The following KLF12 variants were observed in gnomAD, a reference collection of about 807,000 sequenced individuals.
KLF12 encodes KLF transcription factor 12, also known as Krueppel-like factor 12.
A neutral mutation model predicts 37.8 loss-of-function variants in KLF12; 9 were observed. The observed-to-expected ratio is 0.24, with a 90% CI of 0.14 to 0.42. The LOEUF (loss-of-function observed/expected upper bound fraction) is 0.42, where lower values mean the gene tolerates loss of function less well. Among genes scored for constraint, KLF12 ranks in the 10% least tolerant of loss-of-function variants. The pLI is 1.00. For synonymous variants in KLF12, 208 were observed against 202.1 expected (o/e 1.03, Z -0.25); for missense variants, 411 against 516.0 (o/e 0.80, Z 1.97).
rs114064503 is a variant in KLF12, at chr13:73,903,814, C to T, written c.123+40167G>A. ...CCACCACCTGCCAGCTCAGCTGTGG[C>T]ACTGGATTCTCATAGGAGCGGGAGC... On this transcript the variant is annotated intron_variant, in intron 3 of 7. Transcript: ENST00000377669. Among the ~76,000 whole-genome samples the T allele has an allele frequency of 5.8e-3, 888 of 152,328 alleles. 11 individuals carry two copies. Among genetic ancestry groups the T allele is most frequent in the African/African-American group, 0.02 (840 of 41,568 alleles).
At chr13:73,932,850 A>C (rs187668240) in intron 3 of KLF12, among the ~76,000 whole-genome samples, 1 of 152,274 alleles carries the variant, frequency 6.6e-6, no homozygotes, top group African/African-American at 2.4e-5. Context: ...ACTGAACAAA[A>C]ACTTTTCACA....
the KLF12 span, among the ~76,000 whole-genome samples, chr13:74,142,547 C>G: frequency 6.6e-6 from 1 of 152,176 alleles, no homozygotes; most frequent in East Asian, 1.9e-4. Context: ...TCCATACCCT[C>G]CCTTACAAGA....
At chr13:74,038,447 G>A (rs1443215915) in intron 1 of KLF12, among the ~76,000 whole-genome samples, 1 of 152,128 alleles carries the variant, frequency 6.6e-6, no homozygotes, top group African/African-American at 2.4e-5. Context: ...AGAACTCACA[G>A]CCTGGTCATC....
chr13:73,867,908 C>G (rs1886259247), intron 3 of KLF12, among the ~76,000 whole-genome samples: 2 of 151,518 alleles, frequency 1.3e-5, no homozygotes, highest in African/African-American at 4.9e-5. Context: ...GTAATCCCAG[C>G]TACTTGAGAG....
At chr13:74,094,148 C>A (rs1875840842) in intron 1 of KLF12, among the ~76,000 whole-genome samples, 1 of 152,086 alleles carries the variant, frequency 6.6e-6, no homozygotes, top group Non-Finnish European at 1.5e-5. Context: ...TCATAAATAT[C>A]TGTCATATAC....
chr13:74,117,456 C>A (rs1175377564), intron 1 of KLF12, among the ~76,000 whole-genome samples: 1 of 151,922 alleles, frequency 6.6e-6, no homozygotes, highest in Non-Finnish European at 1.5e-5. Flanking sequence ...TACGCATGTA[C>A]CCATGCCAAT....
At chr13:73,896,789 C>T (rs1887788505) in intron 3 of KLF12, among the ~76,000 whole-genome samples, 1 of 152,138 alleles carries the variant, frequency 6.6e-6, no homozygotes. Flanking sequence ...GATAGACTCA[C>T]TTTTTTCTTT....
At chr13:73,716,091 T>G (rs1474392076) in intron 6 of KLF12, among the ~76,000 whole-genome samples, 3 of 152,214 alleles carry the variant, frequency 2.0e-5, no homozygotes, top group Non-Finnish European at 4.4e-5. Context: ...CACCTGACAT[T>G]TAACTTTTCT....
chr13:73,772,778 G>A (rs1227033041), intron 5 of KLF12, among the ~76,000 whole-genome samples: 1 of 152,138 alleles, frequency 6.6e-6, no homozygotes, highest in Non-Finnish European at 1.5e-5. Context: ...GCAGTACAGA[G>A]GGTGGTCTGA....
At chr13:74,072,364 AATATATATATATATAT>A (rs773653636) in intron 1 of KLF12, among the ~76,000 whole-genome samples, 2,502 of 63,090 alleles carry the variant, frequency 0.04, 178 homozygotes, top group African/African-American at 0.11. Context: ...AAGAAATACA[AATATATATATATATAT>A]ATATATATAT....
chr13:74,208,137 T>G, the KLF12 span, among the ~76,000 whole-genome samples: 1 of 152,206 alleles, frequency 6.6e-6, no homozygotes, highest in African/African-American at 2.4e-5. Flanking sequence ...CCTTTTTGGT[T>G]AGGTCAAAAG....
At chr13:74,247,537 C>T in the KLF12 span, among the ~76,000 whole-genome samples, 2 of 152,206 alleles carry the variant, frequency 1.3e-5, no homozygotes, top group East Asian at 3.8e-4. Flanking sequence ...CAGGATACCT[C>T]ATAGCACTTT....
At chr13:74,241,970 C>G in the KLF12 span, among the ~76,000 whole-genome samples, 1 of 152,164 alleles carries the variant, frequency 6.6e-6, no homozygotes, top group Non-Finnish European at 1.5e-5. Context: ...GCTCCTCCCC[C>G]CAGGTACCGA....
At chr13:73,888,324 A>C (rs1233178112) in intron 3 of KLF12, among the ~76,000 whole-genome samples, 1 of 152,154 alleles carries the variant, frequency 6.6e-6, no homozygotes, top group Non-Finnish European at 1.5e-5. Context: ...TCTAATTTCT[A>C]AACAAAAATA....
At chr13:74,261,269 T>A in the KLF12 span, among the ~76,000 whole-genome samples, 2 of 152,210 alleles carry the variant, frequency 1.3e-5, no homozygotes, top group East Asian at 3.8e-4. Flanking sequence ...TTCCCTGGTA[T>A]AAATATAATT....
chr13:74,229,773 C>T, the KLF12 span, among the ~76,000 whole-genome samples: 2 of 152,122 alleles, frequency 1.3e-5, no homozygotes, highest in Non-Finnish European at 2.9e-5. Flanking sequence ...GTTTGGAAGG[C>T]CAAAAACCTC....
chr13:73,704,827 C>G (rs1021022607), intron 7 of KLF12, among the ~76,000 whole-genome samples: 1 of 152,138 alleles, frequency 6.6e-6, no homozygotes, highest in Non-Finnish European at 1.5e-5. Context: ...ACTGTATCCC[C>G]AGGGCCTAAC....
At chr13:74,141,883 T>G in the KLF12 span, among the ~76,000 whole-genome samples, 90 of 152,324 alleles carry the variant, frequency 5.9e-4, 1 homozygote, top group African/African-American at 2.1e-3. Context: ...TTTTACTATG[T>G]AATGTTTCAT....
intron 1 of KLF12, among the ~76,000 whole-genome samples, chr13:74,005,846 A>T (rs1459223151): frequency 6.6e-6 from 1 of 152,132 alleles, no homozygotes; most frequent in Non-Finnish European, 1.5e-5. Context: ...TATTGTATTT[A>T]CCCATAAGCT....
Sources: allele counts gnomAD v4.1 joint callset (sites outside exome capture counted in the v4.1 genomes callset), GRCh38; gene constraint gnomAD v4.1.1; transcripts MANE v1.5; gene names NCBI Gene and HGNC (gene_info 2026-07-23, HGNC 2026-07-21).